Variants in PCDHGA1 observed in about 807,000 individuals in gnomAD.
PCDHGA1 encodes the protein protocadherin gamma-A1.
PCDHGA1 carries 32 observed loss-of-function variants against 58.0 expected under a neutral mutation model. The observed-to-expected ratio is 0.55, with a 90% CI of 0.42 to 0.74. The LOEUF (loss-of-function observed/expected upper bound fraction) is 0.74. PCDHGA1 is among the 30% of genes least tolerant of loss of function. The pLI is 0.00. For synonymous variants in PCDHGA1, 498 were observed against 501.1 expected, an observed-to-expected ratio of 0.99 and a Z score of 0.08; for missense variants, 1,205 against 1,182.3, an observed-to-expected ratio of 1.02 and a Z score of -0.28.
chr5:141,380,086 G>T (rs1776198648), intron 1 of PCDHGA1, among the ~76,000 whole-genome samples: 1 of 151,828 alleles, frequency 6.6e-6, no homozygotes. Flanking sequence ...TTTTAGTAGA[G>T]ATGGGGTTTT....
intron 1 of PCDHGA1, among the ~76,000 whole-genome samples, chr5:141,467,882 C>T (rs1278937609): frequency 6.6e-6 from 1 of 152,036 alleles, no homozygotes; most frequent in East Asian, 1.9e-4. Context: ...TGGTCTCAAA[C>T]TCCTGAGCTC....
At position 141,491,381 on chromosome 5, in the gene PCDHGA1, C is replaced by CT. The variant is rs1554177905; in HGVS notation, c.2422-3426_2422-3425insT. The CT allele has an allele frequency of 2.8e-5, 45 of 1,614,068 alleles. No individual in the cohort carries two copies. Among genetic ancestry groups the CT allele is most frequent in the Non-Finnish European group, 3.5e-5 (41 of 1,179,950 alleles). On this transcript the variant is annotated intron_variant, in intron 1 of 3. Coordinates refer to ENST00000517417, the MANE Select transcript of PCDHGA1 (RefSeq NM_018912.3). This position sits in a 1 kb window ranked among gnomAD's most constrained non-coding sequence, Gnocchi z 6.9. ...CTAGTCACCTTCACCTTTCTGTCAG[C>CT]GAAGTGCCTTCAGGGAAACGCAGAC...
chr5:141,431,333 C>G lies in PCDHGA1; in HGVS notation c.2422-63474C>G. 1.2e-6 allele frequency: 2 copies of G among 1,614,058 alleles called. No individual in the cohort carries two copies. The highest frequency in any genetic ancestry group is 2.2e-5 in the South Asian group (2 of 91,088). Reference sequence around the variant, plus strand: ...AAATGGAGCCGACGGTAGTAAGTACCCCGAATTGGTGCTGAAACGCGCCCT... The same window carrying G: ...AAATGGAGCCGACGGTAGTAAGTACGCCGAATTGGTGCTGAAACGCGCCCT... On this transcript the variant is annotated intron_variant, in intron 1 of 3. Coordinates refer to ENST00000517417, the MANE Select transcript of PCDHGA1 (RefSeq NM_018912.3). The surrounding 1 kb of genome is among the most constrained non-coding windows in gnomAD (Gnocchi z 4.8).
At chr5:141,398,611 A>G (rs2093677658) in intron 1 of PCDHGA1, 4 of 1,613,944 alleles carry the variant, frequency 2.5e-6, no homozygotes, top group African/African-American at 1.3e-5. Context: ...AGATGCAGAT[A>G]TTGGCTTAAA....
At chr5:141,425,379 G>A (rs1330938768) in intron 1 of PCDHGA1, among the ~76,000 whole-genome samples, 7 of 152,152 alleles carry the variant, frequency 4.6e-5, no homozygotes, top group African/African-American at 4.8e-5. Context: ...ATGTTGATTC[G>A]GAGGTAGTGA....
chr5:141,476,083 T>C lies in PCDHGA1; in HGVS notation c.2422-18724T>C. 1 of 1,547,886 alleles carries C rather than the reference T, an allele frequency of 6.5e-7. No homozygotes were observed. The highest frequency in any genetic ancestry group is 8.7e-7 in the Non-Finnish European group (1 of 1,153,242). The stretch of plus-strand genomic sequence containing the variant: ...TCTCAGCGAAATCTCAGGGACGATC[T>C]GGACCCCGCTGAGAGGAACTGCTTT... On this transcript the variant is annotated intron_variant, in intron 1 of 3. Coordinates refer to ENST00000517417, the MANE Select transcript of PCDHGA1 (RefSeq NM_018912.3). This position sits in a 1 kb window ranked among gnomAD's most constrained non-coding sequence, Gnocchi z 7.6.
chr5:141,402,704 T>C (rs1237933133), intron 1 of PCDHGA1, among the ~76,000 whole-genome samples: 1 of 152,216 alleles, frequency 6.6e-6, no homozygotes, highest in East Asian at 1.9e-4. Flanking sequence ...TCAGTGGGTG[T>C]AGTAACGGCT....
In PCDHGA1 at chr5:141,331,801, G is replaced by A; in HGVS notation, c.1117G>A (p.Asp373Asn). Residue 373 changes from aspartate to asparagine, a missense_variant, in exon 1 of 4, where the codon GAC becomes AAC. Transcript: ENST00000517417. ...CATAATTGCTCTTATCAGTGTGCAT[G>A]ACCAGGACTCAGGAGACAATGGCTA... ...GTIIALISVH[D>N]QDSGDNGYTT... 1 of 1,614,108 alleles carries A rather than the reference G, an allele frequency of 6.2e-7. No homozygotes were observed. The highest frequency in any genetic ancestry group is 2.2e-5 in the East Asian group (1 of 44,882).
rs377138746 is a variant in PCDHGA1 at position 141,432,481 on chromosome 5, C to T, written c.2422-62326C>T. ...CCCTCCCCACGGACGGTTCCACTGG[C>T]GTGGAGCTGGCTCCCCGCTCCGCAG... On this transcript the variant is annotated intron_variant, in intron 1 of 3. Transcript: ENST00000517417. This position sits in a 1 kb window ranked among gnomAD's most constrained non-coding sequence, Gnocchi z 6.0. The T allele has an allele frequency of 1.1e-5, 17 of 1,614,198 alleles. No individual in the cohort carries two copies. The African/African-American group carries it at 1.7e-4, about 16-fold the overall frequency.
chr5:141,421,561 G>T (rs2096583505), intron 1 of PCDHGA1: 1 of 1,613,992 alleles, frequency 6.2e-7, no homozygotes, highest in Non-Finnish European at 8.5e-7. Context: ...ACTTCTCGTG[G>T]AAGACACCTT....
In PCDHGA1 at chr5:141,432,513, G is replaced by T. The variant is rs755227021; in HGVS notation, c.2422-62294G>T. On this transcript the variant is annotated intron_variant, in intron 1 of 3. Coordinates refer to ENST00000517417, the MANE Select transcript of PCDHGA1 (RefSeq NM_018912.3). The surrounding 1 kb of genome is among the most constrained non-coding windows in gnomAD (Gnocchi z 6.0). ...CTGGCTCCCCGCTCCGCAGAGCCCG[G>T]CTACCTGGTGACCAAGGTGGTGGCG... The T allele has an allele frequency of 3.1e-6, 5 of 1,614,102 alleles. No individual in the cohort carries two copies. Among genetic ancestry groups the T allele is most frequent in the African/African-American group, 2.7e-5 (2 of 75,062 alleles).
At chr5:141,466,545 T>C (rs2099124777) in intron 1 of PCDHGA1, among the ~76,000 whole-genome samples, 1 of 152,216 alleles carries the variant, frequency 6.6e-6, no homozygotes. Flanking sequence ...AGATGGTCTT[T>C]TGCTGTGGGC....
chr5:141,367,486 G>A (rs1765164408), intron 1 of PCDHGA1: 1 of 152,108 alleles, frequency 6.6e-6, no homozygotes, highest in African/African-American at 2.4e-5. Context: ...GCAGTAAGCC[G>A]AGATCGCGCC....
chr5:141,374,218 A>C, intron 1 of PCDHGA1: 1 of 1,613,952 alleles, frequency 6.2e-7, no homozygotes, highest in Non-Finnish European at 8.5e-7. Flanking sequence ...GCTCCTTCGT[A>C]GGCAACATCG....
chr5:141,421,904 C>T (rs1561797509), intron 1 of PCDHGA1: 1 of 1,613,734 alleles, frequency 6.2e-7, no homozygotes, highest in Admixed American at 1.7e-5. Flanking sequence ...CGAAAGGGCG[C>T]AGTTCCCATT....
Position 141,450,758 on chromosome 5 carries a change from A to C in PCDHGA1, c.2422-44049A>C, listed in dbSNP as rs1007910264. On this transcript the variant is annotated intron_variant, in intron 1 of 3. Transcript: ENST00000517417. ...CGCCTTGGCCTCCCAAAGTGCCGGGATTACAGGCATGAGCCACCGTGCCCG... is the reference window on the plus strand; with the variant it reads ...CGCCTTGGCCTCCCAAAGTGCCGGGCTTACAGGCATGAGCCACCGTGCCCG... Among the ~76,000 whole-genome samples the C allele has an allele frequency of 5.3e-5, 8 of 151,784 alleles. No individual in the cohort carries two copies. In the East Asian group the frequency reaches 1.4e-3, roughly 26 times the overall value.
At chr5:141,467,747 C>T (rs56743829) in intron 1 of PCDHGA1, among the ~76,000 whole-genome samples, 7,097 of 152,110 alleles carry the variant, frequency 0.047, 213 homozygotes, top group Middle Eastern at 0.092. Context: ...CTGCAACCTC[C>T]GCCTCACATG....
At chr5:141,375,047 C>T (rs201669950) in intron 1 of PCDHGA1, 1 of 1,613,958 alleles carries the variant, frequency 6.2e-7, no homozygotes, top group Non-Finnish European at 8.5e-7. Context: ...TGTTGAAGCC[C>T]GGGATGGGCC....
chr5:141,405,394 CTT>C lies in PCDHGA1; in HGVS notation c.2421+72291_2421+72292del, dbSNP rs1561700295. 3.8e-6 allele frequency: 6 copies of C among 1,593,014 alleles called. No individual in the cohort carries two copies. In the Admixed American group the frequency reaches 7.1e-5, roughly 19 times the overall value. On this transcript the variant is annotated intron_variant, in intron 1 of 3. Transcript: ENST00000517417. ...TGGTTCCGGTGAGTTCATTTTTTTT[CTT>C]TCTTTCTTTTCTTTTTTTGTTTTTT...
Sources: gnomAD v4.1 joint callset for allele counts (sites outside exome capture counted in the v4.1 genomes callset) on GRCh38, gnomAD v4.1.1 for gene constraint, Gnocchi (gnomAD v3.1) non-coding constraint, MANE v1.5 for transcripts, NCBI Gene and HGNC (gene_info 2026-07-23, HGNC 2026-07-21) for gene names.